Variants in STS observed in about 807,000 individuals in gnomAD.
The protein encoded by STS is steroid sulfatase.
A neutral mutation model predicts 26.8 loss-of-function variants in STS; 7 were observed. That is an observed-to-expected ratio of 0.26 (90% CI 0.15 to 0.49). The LOEUF is 0.49. Ranked by LOEUF, STS falls within the 20% of genes least tolerant of loss-of-function variation. STS has a pLI of 0.98. For synonymous variants in STS, 199 were observed against 189.4 expected, an observed-to-expected ratio of 1.05 and a Z score of -0.42; for missense variants, 434 against 465.6, an observed-to-expected ratio of 0.93 and a Z score of 0.63.
At chrX:7,280,239 C>T (rs773455604) in intron 7 of STS, among the ~76,000 whole-genome samples, 4 of 111,380 alleles carry the variant, frequency 3.6e-5, no homozygotes, top group Non-Finnish European at 7.5e-5. Flanking sequence ...GTTCAGCCTA[C>T]AGGATAGTAA....
chrX:7,301,089 C>T (rs1925942168), intron 7 of STS, among the ~76,000 whole-genome samples: 1 of 110,930 alleles, frequency 9.0e-6, no homozygotes. Flanking sequence ...TGAATGAATG[C>T]ATGAGGAAGT....
At chrX:7,176,854 T>TG (rs1283200659) in intron 1 of STS, among the ~76,000 whole-genome samples, 1 of 111,435 alleles carries the variant, frequency 9.0e-6, no homozygotes, top group African/African-American at 3.3e-5. Context: ...GAGATTTGGG[T>TG]GGGGACACAG....
intron 6 of STS, among the ~76,000 whole-genome samples, chrX:7,261,245 G>A (rs1395977535): frequency 9.0e-6 from 1 of 111,312 alleles, no homozygotes; most frequent in African/African-American, 3.3e-5. Flanking sequence ...AGAGAGTTGG[G>A]AGGGTGATTT....
intron 1 of STS, among the ~76,000 whole-genome samples, chrX:7,170,339 G>C (rs755836335): frequency 6.3e-5 from 7 of 111,010 alleles, no homozygotes; most frequent in Non-Finnish European, 1.1e-4. Context: ...GGTACGGGGG[G>C]TGTCGAACAA....
intron 7 of STS, among the ~76,000 whole-genome samples, chrX:7,277,772 C>T (rs191638794): frequency 1.6e-3 from 179 of 112,424 alleles, no homozygotes; most frequent in African/African-American, 5.5e-3. Flanking sequence ...GCTTAGGGCT[C>T]GTACATATAC....
At chrX:7,314,770 G>C (rs1926639913) in intron 8 of STS, among the ~76,000 whole-genome samples, 1 of 112,280 alleles carries the variant, frequency 8.9e-6, no homozygotes, top group African/African-American at 3.2e-5. Context: ...GAAGTTGTGT[G>C]GTCAAGCGTG....
chrX:7,252,877 G>T (rs1923205313), intron 2 of STS, among the ~76,000 whole-genome samples: 1 of 111,580 alleles, frequency 9.0e-6, no homozygotes, highest in Non-Finnish European at 1.9e-5. Flanking sequence ...ACCAGGACAG[G>T]CACAGTCGTT....
intron 2 of STS, among the ~76,000 whole-genome samples, chrX:7,205,989 G>A (rs189192362): frequency 3.9e-4 from 43 of 110,745 alleles, no homozygotes; most frequent in African/African-American, 2.6e-4. Flanking sequence ...GGCCAAAGCC[G>A]TGATTTGATT....
chrX:7,233,982 T>C (rs1292914185), intron 2 of STS, among the ~76,000 whole-genome samples: 2 of 112,167 alleles, frequency 1.8e-5, no homozygotes, highest in African/African-American at 3.2e-5. Context: ...ATATATTAAA[T>C]GTGTGGAAGC....
chrX:7,282,321 C>T (rs1219948562), intron 7 of STS, among the ~76,000 whole-genome samples: 1 of 111,899 alleles, frequency 8.9e-6, no homozygotes, highest in East Asian at 2.8e-4. Flanking sequence ...CCACTTTAGC[C>T]TCCTGAGTAG....
intron 6 of STS, among the ~76,000 whole-genome samples, chrX:7,269,274 C>T (rs1317405914): frequency 4.3e-5 from 4 of 93,549 alleles, no homozygotes; most frequent in Non-Finnish European, 8.4e-5. Flanking sequence ...CTAGTGGGTC[C>T]ATGGCATTCC....
intron 7 of STS, among the ~76,000 whole-genome samples, chrX:7,285,094 G>A (rs1467747173): frequency 9.0e-6 from 1 of 110,841 alleles, no homozygotes; most frequent in Admixed American, 9.7e-5. Flanking sequence ...TGAAAATAAT[G>A]AAGATGAAGA....
chrX:7,319,451 G>T (rs1926860119), intron 8 of STS, among the ~76,000 whole-genome samples: 1 of 110,460 alleles, frequency 9.1e-6, no homozygotes, highest in Non-Finnish European at 1.9e-5. Context: ...ATGAGCCACT[G>T]CACCCAGCCA....
At chrX:7,257,676 A>G in intron 5 of STS, 88 bp downstream of exon 5, 1 of 1,104,635 alleles carries the variant, frequency 9.1e-7, no homozygotes, top group Non-Finnish European at 1.2e-6. Context: ...GTGGGAGAGG[A>G]CATCATGACA....
In STS at chrX:7,158,512, T is replaced by A. The variant is rs770980053; in HGVS notation, c.-134+10429T>A. On this transcript the variant is annotated intron_variant, in intron 1 of 10. Transcript: ENST00000674429. The stretch of plus-strand genomic sequence containing the variant: ...AAATGCCCTTCAGCTTTGCCTGAAA[T>A]CTTCACATGACAGGACCAGTGAGAG... Among the ~76,000 whole-genome samples the A allele has an allele frequency of 1.3e-4, 14 of 111,725 alleles. No homozygotes were observed. In the East Asian group the frequency reaches 2.5e-3, roughly 20 times the overall value.
At chrX:7,278,689 A>G (rs1924657982) in intron 7 of STS, among the ~76,000 whole-genome samples, 1 of 111,837 alleles carries the variant, frequency 8.9e-6, no homozygotes, top group South Asian at 3.7e-4. Context: ...TCTCAGTACA[A>G]CCACACAAGG....
chrX:7,324,695 A>G (rs1927298287), intron 8 of STS, among the ~76,000 whole-genome samples: 1 of 111,380 alleles, frequency 9.0e-6, no homozygotes, highest in African/African-American at 3.3e-5. Context: ...AGGCATGTCC[A>G]ATCCCCTGTT....
At chrX:7,230,021 G>A (rs1271916468) in intron 2 of STS, among the ~76,000 whole-genome samples, 1 of 110,410 alleles carries the variant, frequency 9.1e-6, no homozygotes, top group Non-Finnish European at 1.9e-5. Context: ...TGGGACTACA[G>A]GCATGTGCCA....
intron 7 of STS, 134 bp downstream of exon 7, chrX:7,276,221 C>CA: frequency 2.4e-6 from 2 of 828,095 alleles, no homozygotes; most frequent in Non-Finnish European, 3.5e-6. Context: ...TGAAAGTAAC[C>CA]AAAAATGCAT....
Sources: allele counts gnomAD v4.1 joint callset (sites outside exome capture counted in the v4.1 genomes callset), GRCh38; gene constraint gnomAD v4.1.1; transcripts MANE v1.5; gene names NCBI Gene and HGNC (gene_info 2026-07-23, HGNC 2026-07-21).